TBC1D22B: variants seen among roughly 807,000 people sequenced by gnomAD.
TBC1D22B encodes TBC1 domain family member 22B.
TBC1D22B carries 32 observed loss-of-function variants against 69.1 expected under a neutral mutation model. The ratio of observed to expected loss-of-function variants is 0.46; its 90% CI spans 0.35 to 0.62. The LOEUF (loss-of-function observed/expected upper bound fraction) is 0.62, where lower values mean the gene tolerates loss of function less well. Among genes scored for constraint, TBC1D22B ranks in the 20% least tolerant of loss-of-function variants. The pLI is 0.00. For missense variants in TBC1D22B, 462 were observed against 630.9 expected, an observed-to-expected ratio of 0.73 and a Z score of 2.87; for synonymous variants, 206 against 229.8, an observed-to-expected ratio of 0.90 and a Z score of 0.94.
At chr6:37,311,765 A>T (rs1767918943) in intron 8 of TBC1D22B, among the ~76,000 whole-genome samples, 1 of 152,220 alleles carries the variant, frequency 6.6e-6, no homozygotes, top group Non-Finnish European at 1.5e-5. Flanking sequence ...GATTGCAGTG[A>T]ACATCTGTTT....
At chr6:37,314,553 A>G (rs1421937137) in intron 10 of TBC1D22B, among the ~76,000 whole-genome samples, 1 of 152,192 alleles carries the variant, frequency 6.6e-6, no homozygotes, top group Non-Finnish European at 1.5e-5. Context: ...AGAGTCATAG[A>G]ATGTTAGAAC....
chr6:37,329,456 C>T (rs181712477), intron 12 of TBC1D22B, among the ~76,000 whole-genome samples: 2 of 152,160 alleles, frequency 1.3e-5, no homozygotes, highest in Non-Finnish European at 2.9e-5. Context: ...GCAGTGAATA[C>T]CTTTGTACAC....
rs577504410 is a variant in TBC1D22B at position 37,298,294 on chromosome 6, C to A, written c.982+6937C>A. 2.0e-5 allele frequency among the ~76,000 whole-genome samples: 3 copies of A among 152,278 alleles called. No individual in the cohort carries two copies. The South Asian group carries it at 6.2e-4, about 32-fold the overall frequency. ...ACCTCTTGTTGTGTGTTCTTCCAGACCTTTTCCTATGTATGGATGGAGCTG... is the reference window on the plus strand; with the variant it reads ...ACCTCTTGTTGTGTGTTCTTCCAGAACTTTTCCTATGTATGGATGGAGCTG... On this transcript the variant is annotated intron_variant, in intron 8 of 12. Transcript: ENST00000373491.
At chr6:37,287,404 A>G (rs1767039332) in intron 7 of TBC1D22B, among the ~76,000 whole-genome samples, 1 of 152,264 alleles carries the variant, frequency 6.6e-6, no homozygotes, top group African/African-American at 2.4e-5. Context: ...TATACATAAT[A>G]TAAAATTTAC....
At position 37,282,219 on chromosome 6, in the gene TBC1D22B, G is replaced by A. The variant is rs1583541420; in HGVS notation, c.456G>A (p.Gln152=). The change falls in exon 4 of 13, where the codon CAG becomes CAA. Residue 152 remains glutamine, a synonymous_variant. Coordinates refer to ENST00000373491, the MANE Select transcript of TBC1D22B (RefSeq NM_017772.4). The part of the protein sequence containing the change: ...DTCLRNPLHK[Q]QSLPLRPIIP... ...GCCTGAGGAACCCACTCCACAAACA[G>A]CAATCACTCCCTCTCCGGCCCATCA... The A allele has an allele frequency of 3.7e-6, 6 of 1,614,128 alleles. No homozygotes were observed. Among genetic ancestry groups the A allele is most frequent in the African/African-American group, 1.3e-5 (1 of 75,020 alleles).
chr6:37,322,004 C>T (rs578169248), intron 12 of TBC1D22B, among the ~76,000 whole-genome samples: 1 of 152,290 alleles, frequency 6.6e-6, no homozygotes, highest in South Asian at 2.1e-4. Flanking sequence ...TGTAAGAGCG[C>T]TCGAACCTAC....
intron 12 of TBC1D22B, among the ~76,000 whole-genome samples, chr6:37,322,724 G>A (rs1044833831): frequency 3.3e-5 from 5 of 152,196 alleles, no homozygotes; most frequent in African/African-American, 1.2e-4. Flanking sequence ...ATTAATGTCA[G>A]ACCTCGGGAC....
At chr6:37,296,801 C>A (rs541733661) in intron 8 of TBC1D22B, among the ~76,000 whole-genome samples, 2 of 150,490 alleles carry the variant, frequency 1.3e-5, no homozygotes, top group African/African-American at 4.9e-5. Flanking sequence ...CATACACACA[C>A]GTGCACACAC....
At chr6:37,329,852 A>G (rs965648075) in intron 12 of TBC1D22B, among the ~76,000 whole-genome samples, 3 of 152,226 alleles carry the variant, frequency 2.0e-5, no homozygotes, top group Non-Finnish European at 4.4e-5. Flanking sequence ...TACACCTATC[A>G]TTTTTGTTCA....
chr6:37,330,987 C>A (rs767332535), intron 12 of TBC1D22B, 57 bp from the exon 13 acceptor site: 2 of 1,601,240 alleles, frequency 1.2e-6, no homozygotes, highest in Admixed American at 1.7e-5. Flanking sequence ...AGAATGGGTT[C>A]ACTTGTCTGA....
At chr6:37,276,612 T>G (rs553378635) in intron 2 of TBC1D22B, among the ~76,000 whole-genome samples, 1 of 152,332 alleles carries the variant, frequency 6.6e-6, no homozygotes, top group Non-Finnish European at 1.5e-5. Context: ...CAAATATATA[T>G]TGAATCATTA....
At chr6:37,262,052 A>T (rs1269443499) in intron 1 of TBC1D22B, among the ~76,000 whole-genome samples, 8 of 109,762 alleles carry the variant, frequency 7.3e-5, no homozygotes, top group African/African-American at 2.1e-4. Flanking sequence ...TTTTTTTGAG[A>T]TGGGGTCTCC....
Position 37,291,472 on chromosome 6 carries a change from G to C in TBC1D22B, c.982+115G>C, listed in dbSNP as rs757723370. On this transcript the variant is annotated intron_variant, in intron 8 of 12. Transcript: ENST00000373491. ...GGTATGTCTTGCTAGAAAATAGAGA[G>C]TGCCTTTGGCATACACAGCTAAAAC... The C allele has an allele frequency of 1.1e-5, 8 of 731,340 alleles. No homozygotes were observed. In the African/African-American group the frequency reaches 1.5e-4, roughly 13 times the overall value. The allele number at this position is 731,340 out of a possible 1,614,324, so 45.3% of individuals were successfully genotyped here. A position where few individuals can be genotyped will look rare whatever the true frequency, so the allele number is the denominator to read the frequency against.
chr6:37,309,547 C>T (rs1554186579), intron 8 of TBC1D22B, among the ~76,000 whole-genome samples: 2 of 152,104 alleles, frequency 1.3e-5, no homozygotes, highest in Non-Finnish European at 2.9e-5. Flanking sequence ...GTGGGTTTCA[C>T]TTTTTTCCAA....
chr6:37,276,703 G>A (rs1169968554), intron 2 of TBC1D22B, among the ~76,000 whole-genome samples: 1 of 152,054 alleles, frequency 6.6e-6, no homozygotes, highest in East Asian at 1.9e-4. Flanking sequence ...GGCCGAGGAG[G>A]GCAGATCACC....
chr6:37,319,390 C>G (rs1238413871), intron 12 of TBC1D22B, among the ~76,000 whole-genome samples: 3 of 152,204 alleles, frequency 2.0e-5, no homozygotes, highest in Admixed American at 6.6e-5. Flanking sequence ...AGGCTCAGAG[C>G]TTTGCCATAT....
chr6:37,258,331 C>T (rs1765910385), intron 1 of TBC1D22B, among the ~76,000 whole-genome samples: 1 of 152,176 alleles, frequency 6.6e-6, no homozygotes, highest in African/African-American at 2.4e-5. Context: ...AGGACTCCCT[C>T]TCAGGGGTCT....
chr6:37,261,944 AGTGTGTGTGTGTGT>A (rs70977641), intron 1 of TBC1D22B, among the ~76,000 whole-genome samples: 41,551 of 118,432 alleles, frequency 0.35, 7,350 homozygotes, highest in African/African-American at 0.37. Context: ...AGCTTTGGTC[AGTGTGTGTGTGTGT>A]GTGTGTGTGT....
chr6:37,278,551 C>T (rs549748576), intron 2 of TBC1D22B, among the ~76,000 whole-genome samples: 39 of 152,160 alleles, frequency 2.6e-4, no homozygotes, highest in African/African-American at 7.9e-4. Context: ...GCAGGCTCCT[C>T]GACATAGTTA....
Sources: gnomAD v4.1 joint callset for allele counts (sites outside exome capture counted in the v4.1 genomes callset) on GRCh38, gnomAD v4.1.1 for gene constraint, MANE v1.5 for transcripts, NCBI Gene and HGNC (gene_info 2026-07-23, HGNC 2026-07-21) for gene names.